The following RAB11FIP4 variants were observed in gnomAD, a reference collection of about 807,000 sequenced individuals.
RAB11FIP4 encodes RAB11 family interacting protein 4.
In RAB11FIP4, 23 loss-of-function variants were observed where a neutral mutation model predicts 74.3. The ratio of observed to expected loss-of-function variants is 0.31; its 90% CI spans 0.22 to 0.44. The LOEUF is 0.44. RAB11FIP4 is among the 20% of genes least tolerant of loss of function. The probability of loss-of-function intolerance (pLI) is 1.00; values close to 1 mark genes in which losing one functional copy is unlikely to be tolerated. For synonymous variants in RAB11FIP4, 360 were observed against 359.9 expected, an observed-to-expected ratio of 1.00 and a Z score of 0.00; for missense variants, 630 against 863.9, an observed-to-expected ratio of 0.73 and a Z score of 3.39.
At chr17:31,456,943 G>C (rs1337372267) in intron 3 of RAB11FIP4, among the ~76,000 whole-genome samples, 1 of 152,180 alleles carries the variant, frequency 6.6e-6, no homozygotes, top group African/African-American at 2.4e-5. Flanking sequence ...CCAAAGTTAA[G>C]CCGAAAGGGT....
Position 31,431,894 on chromosome 17 carries a change from A to G in RAB11FIP4, c.241A>G (p.Met81Val). Residue 81 changes from methionine (M) to valine (V), a missense_variant, in exon 2 of 15, where the codon ATG (methionine) becomes GTG (valine). Coordinates refer to ENST00000621161, the MANE Select transcript of RAB11FIP4 (RefSeq NM_032932.6). The part of the protein sequence containing the change: ...FKDFCRGVFA[M>V]KGCEELLKDV... ...GGACTTTTGCCGGGGGGTGTTCGCCATGAAAGGTGAGGTCTTCCCGGGAGG... is the reference window on the plus strand; with the variant it reads ...GGACTTTTGCCGGGGGGTGTTCGCCGTGAAAGGTGAGGTCTTCCCGGGAGG... 1.2e-6 allele frequency: 2 copies of G among 1,611,938 alleles called. No individual in the cohort carries two copies. The highest frequency in any genetic ancestry group is 1.1e-5 in the South Asian group (1 of 90,798).
At position 31,521,936 on chromosome 17, in the gene RAB11FIP4, A is replaced by G; in HGVS notation, c.780A>G (p.Lys260=). The stretch of plus-strand genomic sequence containing the variant: ...TCAGTGCGGGGCAGACGCCTAGGAA[A>G]ATGCGGCACGTGTACAACAGCGAAT... The part of the protein sequence containing the change: ...VSSSAGQTPR[K]MRHVYNSELL... The change falls in exon 6 of 15, where the codon AAA becomes AAG. Residue 260 remains lysine, a synonymous_variant. Transcript: ENST00000621161. 8.1e-6 allele frequency: 13 copies of G among 1,614,204 alleles called. No individual in the cohort carries two copies. Among genetic ancestry groups the G allele is most frequent in the Non-Finnish European group, 1.1e-5 (13 of 1,180,032 alleles).
chr17:31,531,894 G>A lies in RAB11FIP4; in HGVS notation c.*162G>A, dbSNP rs920494989. On this transcript the variant is annotated 3_prime_UTR_variant, in exon 15 of 15. Transcript: ENST00000621161. ...GTATATGTGGGGAGGCTGTGCACAC[G>A]AGCGAGGGGTGAGTGGCCGTGGCTG... 1.5e-5 allele frequency: 9 copies of A among 617,570 alleles called. No homozygotes were observed. Among genetic ancestry groups the A allele is most frequent in the Middle Eastern group, 4.3e-4 (1 of 2,310 alleles). 38.3% of individuals were successfully genotyped at this position (617,570 alleles called of 1,614,324 possible).
intron 3 of RAB11FIP4, among the ~76,000 whole-genome samples, chr17:31,492,048 C>T (rs545271676): frequency 3.9e-5 from 6 of 152,222 alleles, no homozygotes; most frequent in South Asian, 2.1e-4. Context: ...GCCTGCTGTT[C>T]CCACGGGTCA....
intron 3 of RAB11FIP4, among the ~76,000 whole-genome samples, chr17:31,438,459 C>T (rs1405272473): frequency 1.3e-5 from 2 of 152,062 alleles, no homozygotes; most frequent in Non-Finnish European, 2.9e-5. Flanking sequence ...TCATCCTCAG[C>T]GCCTCCTCAT....
chr17:31,506,974 T>G (rs1334606987), intron 3 of RAB11FIP4, among the ~76,000 whole-genome samples: 1 of 152,184 alleles, frequency 6.6e-6, no homozygotes, highest in Non-Finnish European at 1.5e-5. Flanking sequence ...CCATAATGAT[T>G]GTTCTATTAA....
At chr17:31,477,311 C>A (rs1733508617) in intron 3 of RAB11FIP4, among the ~76,000 whole-genome samples, 1 of 152,210 alleles carries the variant, frequency 6.6e-6, no homozygotes, top group South Asian at 2.1e-4. Context: ...AGGCAGGGAG[C>A]AACCACACGA....
intron 1 of RAB11FIP4, among the ~76,000 whole-genome samples, chr17:31,403,666 G>A (rs1369912352): frequency 1.3e-5 from 2 of 152,118 alleles, no homozygotes; most frequent in African/African-American, 4.8e-5. Context: ...CGGCAACCAG[G>A]AGCCTCCATG....
At chr17:31,397,465 C>T (rs2070941688) in intron 1 of RAB11FIP4, among the ~76,000 whole-genome samples, 3 of 152,174 alleles carry the variant, frequency 2.0e-5, no homozygotes, top group South Asian at 4.1e-4. Flanking sequence ...TCTTTTGAGA[C>T]CAGGCAACCT....
At chr17:31,396,652 C>A (rs1332438163) in intron 1 of RAB11FIP4, among the ~76,000 whole-genome samples, 1 of 152,228 alleles carries the variant, frequency 6.6e-6, no homozygotes, top group Non-Finnish European at 1.5e-5. Context: ...ACTCACCCTC[C>A]TTAACCAGCT....
intron 3 of RAB11FIP4, among the ~76,000 whole-genome samples, chr17:31,450,175 C>T (rs2071510984): frequency 6.6e-6 from 1 of 152,024 alleles, no homozygotes. Flanking sequence ...CCTCTAGTGT[C>T]CTCTGCTCCA....
intron 3 of RAB11FIP4, among the ~76,000 whole-genome samples, chr17:31,444,643 CT>C (rs1003008302): frequency 1.3e-5 from 2 of 152,196 alleles, no homozygotes; most frequent in Admixed American, 6.5e-5. Flanking sequence ...TAACCCAACC[CT>C]GACGCCCAAG....
Position 31,532,965 on chromosome 17 carries a change from C to T in RAB11FIP4, c.*1233C>T, listed in dbSNP as rs949622917. On this transcript the variant is annotated 3_prime_UTR_variant, in exon 15 of 15. Transcript: ENST00000621161. Reference sequence around the variant, plus strand: ...AGCTGGGAATAGACATGGTACTTACCTTAGAGTTTTCCAATTTATCTCAAT... The same window carrying T: ...AGCTGGGAATAGACATGGTACTTACTTTAGAGTTTTCCAATTTATCTCAAT... 2 of 152,152 alleles carry T rather than the reference C, an allele frequency of 1.3e-5. No individual in the cohort carries two copies. The highest frequency in any genetic ancestry group is 2.9e-5 in the Non-Finnish European group (2 of 68,038). 9.4% of individuals were successfully genotyped at this position (152,152 alleles called of 1,614,324 possible).
intron 3 of RAB11FIP4, among the ~76,000 whole-genome samples, chr17:31,446,854 A>G (rs1202711251): frequency 6.6e-6 from 1 of 152,196 alleles, no homozygotes; most frequent in Non-Finnish European, 1.5e-5. Flanking sequence ...ACAAACATGG[A>G]ACATAATAAA....
chr17:31,392,207 C>T, intron 1 of RAB11FIP4, 196 bp downstream of exon 1: 1 of 387,698 alleles, frequency 2.6e-6, no homozygotes, highest in Non-Finnish European at 4.4e-6. Flanking sequence ...TTCCGCCCCC[C>T]GGCGCCCGTG....
At chr17:31,401,250 C>T (rs1045263975) in intron 1 of RAB11FIP4, among the ~76,000 whole-genome samples, 10 of 150,364 alleles carry the variant, frequency 6.7e-5, no homozygotes, top group South Asian at 2.1e-4. Context: ...CCAGCCTGGG[C>T]GACACAGCGA....
chr17:31,488,158 C>T, intron 3 of RAB11FIP4: 12 of 1,061,702 alleles, frequency 1.1e-5, no homozygotes, highest in Non-Finnish European at 1.4e-5. Flanking sequence ...ATTGTTCCTG[C>T]GCTTCGGGGC....
intron 3 of RAB11FIP4, among the ~76,000 whole-genome samples, chr17:31,473,371 C>G (rs2071758324): frequency 1.4e-5 from 1 of 73,832 alleles, no homozygotes; most frequent in Non-Finnish European, 2.5e-5. Flanking sequence ...AAGACCCAGT[C>G]TCTACCAAAA....
intron 3 of RAB11FIP4, among the ~76,000 whole-genome samples, chr17:31,490,073 A>T (rs2142750937): frequency 6.6e-6 from 1 of 152,200 alleles, no homozygotes; most frequent in Admixed American, 6.5e-5. Context: ...TTGGGTTCTA[A>T]GCCACCTCCT....
Sources: gnomAD v4.1 joint callset for allele counts (sites outside exome capture counted in the v4.1 genomes callset) on GRCh38, gnomAD v4.1.1 for gene constraint, MANE v1.5 for transcripts, NCBI Gene and HGNC (gene_info 2026-07-23, HGNC 2026-07-21) for gene names.